The following ELOC variants were observed in gnomAD, a reference collection of about 807,000 sequenced individuals.
The protein encoded by ELOC is elongin C.
For missense variants in ELOC, 38 were observed against 139.0 expected (o/e 0.27, Z 3.65); for synonymous variants, 40 against 51.3 (o/e 0.78, Z 0.94).
chr8:73,953,076 G>A (rs1813881974), intron 3 of ELOC, among the ~76,000 whole-genome samples: 1 of 152,034 alleles, frequency 6.6e-6, no homozygotes. Context: ...AGGCCGAGGT[G>A]GGCTGATCAC....
chr8:73,957,044 G>T (rs537287817), intron 2 of ELOC, among the ~76,000 whole-genome samples: 1 of 151,904 alleles, frequency 6.6e-6, no homozygotes, highest in Non-Finnish European at 1.5e-5. Flanking sequence ...GTGGTGGCGG[G>T]TGCCTGTAGT....
At chr8:73,966,224 A>C (rs1476194849) in intron 1 of ELOC, among the ~76,000 whole-genome samples, 1 of 152,216 alleles carries the variant, frequency 6.6e-6, no homozygotes, top group Non-Finnish European at 1.5e-5. Context: ...CAGAAAACCA[A>C]AACAAAATAA....
rs759244162 is a variant in ELOC, at chr8:73,959,784, T to C, written c.-16A>G. Reference sequence around the variant, plus strand: ...GCTTACCCATTTTGTTCTTATGAAATTCTACTTTGCTTCCCCAGGAACTTT... The same window carrying C: ...GCTTACCCATTTTGTTCTTATGAAACTCTACTTTGCTTCCCCAGGAACTTT... On this transcript the variant is annotated 5_prime_UTR_variant, in exon 2 of 4. Transcript: ENST00000520242. 9.0e-6 allele frequency: 14 copies of C among 1,553,416 alleles called. No homozygotes were observed. In the South Asian group the frequency reaches 9.9e-5, roughly 11 times the overall value.
chr8:73,956,706 C>T (rs1814212665), intron 2 of ELOC, among the ~76,000 whole-genome samples: 1 of 152,238 alleles, frequency 6.6e-6, no homozygotes, highest in East Asian at 1.9e-4. Flanking sequence ...ACCTGAAATA[C>T]TCATTTTTAG....
chr8:73,954,588 G>A (rs1229598067), intron 3 of ELOC, among the ~76,000 whole-genome samples: 4 of 151,206 alleles, frequency 2.6e-5, no homozygotes, highest in Non-Finnish European at 4.4e-5. Context: ...GGAGGCGAAG[G>A]TTGCAGTGAG....
rs537639291 is a variant in ELOC at position 73,972,141 on chromosome 8, G to GC, written c.-116dup. The stretch of plus-strand genomic sequence containing the variant: ...CTGCCACAGCCCCTATCCCAGGGCC[G>GC]CCCCCCCACCCCCAGCTGCCTGCTC... On this transcript the variant is annotated 5_prime_UTR_variant, in exon 1 of 4. Coordinates refer to ENST00000520242, the MANE Select transcript of ELOC (RefSeq NM_005648.4). The GC allele has an allele frequency of 3.9e-5, 6 of 152,244 alleles. No homozygotes were observed. Among genetic ancestry groups the GC allele is most frequent in the Non-Finnish European group, 8.8e-5 (6 of 68,182 alleles). 9.4% of individuals were successfully genotyped at this position (152,244 alleles called of 1,614,324 possible).
At chr8:73,957,360 T>C (rs1008995006) in intron 2 of ELOC, among the ~76,000 whole-genome samples, 10 of 152,074 alleles carry the variant, frequency 6.6e-5, no homozygotes, top group African/African-American at 2.2e-4. Flanking sequence ...GCCAGATATA[T>C]ATAGAGTAAA....
intron 1 of ELOC, among the ~76,000 whole-genome samples, chr8:73,971,029 T>A (rs1378856028): frequency 1.8e-5 from 1 of 54,226 alleles, no homozygotes; most frequent in African/African-American, 6.3e-5. Context: ...CGAGACTCCG[T>A]CTCAAAAAAA....
At chr8:73,971,032 C>CAAAAGAAAAA (rs1815347514) in intron 1 of ELOC, among the ~76,000 whole-genome samples, 1 of 62,034 alleles carries the variant, frequency 1.6e-5, no homozygotes, top group African/African-American at 6.5e-5. Flanking sequence ...GACTCCGTCT[C>CAAAAGAAAAA]AAAAAAAAAA....
At chr8:73,946,930 G>T in intron 3 of ELOC, 110 bp from the exon 4 acceptor site, 1 of 838,166 alleles carries the variant, frequency 1.2e-6, no homozygotes, top group Non-Finnish European at 1.8e-6. Context: ...TTAGAGATAA[G>T]TTCTTTAAAG....
Position 73,945,722 on chromosome 8 carries a change from TC to T in ELOC, c.*907del, listed in dbSNP as rs1813342182. ...ATTATAATATGATTTTCACTGTATC[TC>T]TTCACATGTTATTCCATAACATTCT... On this transcript the variant is annotated 3_prime_UTR_variant, in exon 4 of 4. Coordinates refer to ENST00000520242, the MANE Select transcript of ELOC (RefSeq NM_005648.4). 6.6e-6 allele frequency: 1 copy of T among 152,224 alleles called. No homozygotes were observed. Among genetic ancestry groups the T allele is most frequent in the African/African-American group, 2.4e-5 (1 of 41,464 alleles). The allele number at this position is 152,224 out of a possible 1,614,324, so 9.4% of individuals were successfully genotyped here.
At chr8:73,947,914 C>A (rs887268604) in intron 3 of ELOC, among the ~76,000 whole-genome samples, 5 of 152,050 alleles carry the variant, frequency 3.3e-5, no homozygotes, top group African/African-American at 1.2e-4. Context: ...TACTTGAGGG[C>A]CGGGCGGGGT....
At chr8:73,953,638 C>G (rs1813929250) in intron 3 of ELOC, among the ~76,000 whole-genome samples, 1 of 150,034 alleles carries the variant, frequency 6.7e-6, no homozygotes, top group African/African-American at 2.5e-5. Flanking sequence ...GCAGCCTGGG[C>G]AACGAGAGTG....
At chr8:73,948,759 C>T (rs918190366) in intron 3 of ELOC, among the ~76,000 whole-genome samples, 15 of 152,088 alleles carry the variant, frequency 9.9e-5, no homozygotes, top group Admixed American at 1.3e-4. Context: ...TGCTTGAGCC[C>T]GGGAGTTCAA....
At chr8:73,962,321 T>C (rs942622259) in intron 1 of ELOC, among the ~76,000 whole-genome samples, 12 of 152,218 alleles carry the variant, frequency 7.9e-5, no homozygotes, top group Non-Finnish European at 1.8e-4. Flanking sequence ...GATTTAAACC[T>C]AGGTAGGTCT....
chr8:73,968,116 G>A (rs1039814180), intron 1 of ELOC, among the ~76,000 whole-genome samples: 3 of 152,148 alleles, frequency 2.0e-5, no homozygotes, highest in African/African-American at 7.2e-5. Context: ...ACCTTATATA[G>A]ACCCGAATCC....
chr8:73,970,854 A>G (rs1815312467), intron 1 of ELOC, among the ~76,000 whole-genome samples: 1 of 140,514 alleles, frequency 7.1e-6, no homozygotes, highest in African/African-American at 2.9e-5. Context: ...ATCTCTACTA[A>G]AAAACAAAAC....
At chr8:73,968,336 T>C (rs1815128570) in intron 1 of ELOC, among the ~76,000 whole-genome samples, 2 of 152,174 alleles carry the variant, frequency 1.3e-5, no homozygotes, top group Admixed American at 6.5e-5. Context: ...CCCATGTTTA[T>C]TACCCAGAGT....
intron 3 of ELOC, among the ~76,000 whole-genome samples, chr8:73,948,831 A>G (rs1371704254): frequency 7.1e-6 from 1 of 140,116 alleles, no homozygotes; most frequent in African/African-American, 2.9e-5. Context: ...AGACCCTGTC[A>G]CTCACAAGCA....
Sources: allele counts gnomAD v4.1 joint callset (sites outside exome capture counted in the v4.1 genomes callset), GRCh38; gene constraint gnomAD v4.1.1; transcripts MANE v1.5; gene names NCBI Gene and HGNC (gene_info 2026-07-23, HGNC 2026-07-21).